Variants in GRK6 observed in about 807,000 individuals in gnomAD.
GRK6 encodes the protein G protein-coupled receptor kinase 6.
GRK6 carries 37 observed loss-of-function variants against 80.8 expected under a neutral mutation model. The ratio of observed to expected loss-of-function variants is 0.46; its 90% CI spans 0.35 to 0.60. The LOEUF (loss-of-function observed/expected upper bound fraction) is 0.60, where lower values mean the gene tolerates loss of function less well. Ranked by LOEUF, GRK6 falls within the 20% of genes least tolerant of loss-of-function variation. The pLI is 0.00. For missense variants in GRK6, 560 were observed against 784.6 expected, an observed-to-expected ratio of 0.71 and a Z score of 3.42; for synonymous variants, 295 against 320.9, an observed-to-expected ratio of 0.92 and a Z score of 0.86.
chr5:177,436,334 T>TGGCCC, intron 12 of GRK6, 53 bp downstream of exon 12: 3 of 1,555,998 alleles, frequency 1.9e-6, no homozygotes, highest in Non-Finnish European at 1.8e-6. Context: ...GATGCACCTT[T>TGGCCC]CCCTCCCTCC....
In GRK6 at chr5:177,426,803, C is replaced by A. The variant is rs1763691591; in HGVS notation, c.-43C>A. The A allele has an allele frequency of 1.3e-5, 15 of 1,114,510 alleles. No homozygotes were observed. Among genetic ancestry groups the A allele is most frequent in the South Asian group, 4.2e-5 (1 of 23,790 alleles). The allele number at this position is 1,114,510 out of a possible 1,614,324, so 69.0% of individuals were successfully genotyped here. On this transcript the variant is annotated 5_prime_UTR_variant, in exon 1 of 16. Coordinates refer to ENST00000355472, the MANE Select transcript of GRK6 (RefSeq NM_001004106.3). ...CGGCCTCGGCACTCGCGCGCGATCC[C>A]GGCCGGCGGCGCGGCCCGGCGGGCC...
rs769380229 is a variant in GRK6 at position 177,431,018 on chromosome 5, G to T, written c.148+51G>T. On this transcript the variant is annotated intron_variant, in intron 2 of 15. Coordinates refer to ENST00000355472, the MANE Select transcript of GRK6 (RefSeq NM_001004106.3). ...TGCTGAGGCGAGGGGCCCTGCTGGG[G>T]CCGGGGGAGCCTCCCCTGAGACCTT... 2.7e-6 allele frequency: 4 copies of T among 1,493,188 alleles called. No individual in the cohort carries two copies. In the African/African-American group the frequency reaches 5.5e-5, roughly 21 times the overall value. The allele number at this position is 1,493,188 out of a possible 1,614,324, so 92.5% of individuals were successfully genotyped here.
Position 177,441,910 on chromosome 5 carries a change from G to A in GRK6, c.*120G>A, listed in dbSNP as rs1253079480. On this transcript the variant is annotated 3_prime_UTR_variant, in exon 16 of 16. Coordinates refer to ENST00000355472, the MANE Select transcript of GRK6 (RefSeq NM_001004106.3). Reference sequence around the variant, plus strand: ...AAGTCGTGGCCTGGGGAACACAGACGGAGCTGTCCCCAGTGTCCTCCGTCC... The same window carrying A: ...AAGTCGTGGCCTGGGGAACACAGACAGAGCTGTCCCCAGTGTCCTCCGTCC... 14 of 931,964 alleles carry A rather than the reference G, an allele frequency of 1.5e-5. No individual in the cohort carries two copies. The highest frequency in any genetic ancestry group is 1.0e-4 in the Admixed American group (5 of 49,120). The allele number at this position is 931,964 out of a possible 1,614,324, so 57.7% of individuals were successfully genotyped here.
At position 177,433,524 on chromosome 5, in the gene GRK6, G is replaced by T; in HGVS notation, c.598-12G>T. The T allele has an allele frequency of 2.5e-6, 4 of 1,613,942 alleles. No individual in the cohort carries two copies. The highest frequency in any genetic ancestry group is 2.5e-6 in the Non-Finnish European group (3 of 1,179,926). On this transcript the variant is annotated splice_polypyrimidine_tract_variant and intron_variant, in intron 7 of 15. Transcript: ENST00000355472. ...AGCTGGCCCCCATTCGCCCCTGTCT[G>T]TCTGGCCACAGGTGTGCGCCTGCCA...
Position 177,434,082 on chromosome 5 carries a change from C to T in GRK6, c.907C>T (p.His303Tyr). 6.3e-7 allele frequency: 1 copy of T among 1,594,934 alleles called. No homozygotes were observed. Among genetic ancestry groups the T allele is most frequent in the Non-Finnish European group, 8.5e-7 (1 of 1,171,446 alleles). The change falls in exon 9 of 16, where the codon CAC (histidine) becomes TAC (tyrosine). Residue 303 changes from histidine to tyrosine, a missense_variant. Physicochemically the swap from His to Tyr is moderately conservative, Grantham distance 83 (BLOSUM62 2). This residue lies in a region of GRK6 where 294 missense variants were observed against 397.4 expected (regional missense o/e 0.74). Transcript: ENST00000355472. ...AEICCGLEDL[H>Y]RERIVYRDLK... The stretch of plus-strand genomic sequence containing the variant: ...GATCTGCTGTGGCCTGGAGGACCTG[C>T]ACCGGGAGCGCATCGTGTACAGGTG...
chr5:177,430,328 C>T (rs1367525748), intron 1 of GRK6, among the ~76,000 whole-genome samples: 2 of 152,202 alleles, frequency 1.3e-5, no homozygotes, highest in Non-Finnish European at 2.9e-5. Context: ...GGCAGGGGAC[C>T]GGGGAAGCCC....
chr5:177,437,115 C>T (rs868137542), intron 13 of GRK6, among the ~76,000 whole-genome samples: 10 of 151,918 alleles, frequency 6.6e-5, no homozygotes, highest in African/African-American at 2.2e-4. Context: ...CCACCATGCC[C>T]GGCTAATTTT....
chr5:177,427,022 C>T, intron 1 of GRK6, 125 bp downstream of exon 1: 1 of 443,978 alleles, frequency 2.3e-6, no homozygotes, highest in Non-Finnish European at 3.4e-6. Context: ...TTACACCCCG[C>T]CCAGACACGA....
Position 177,441,884 on chromosome 5 carries a change from C to A in GRK6, c.*94C>A. 8.7e-7 allele frequency: 1 copy of A among 1,146,968 alleles called. No homozygotes were observed. Among genetic ancestry groups the A allele is most frequent in the Non-Finnish European group, 1.3e-6 (1 of 770,602 alleles). 71.0% of individuals were successfully genotyped at this position (1,146,968 alleles called of 1,614,324 possible). ...ACAGTGATCTTCCCCATTGTCCACTCAAGTCGTGGCCTGGGGAACACAGAC... is the reference window on the plus strand; with the variant it reads ...ACAGTGATCTTCCCCATTGTCCACTAAAGTCGTGGCCTGGGGAACACAGAC... On this transcript the variant is annotated 3_prime_UTR_variant, in exon 16 of 16. Transcript: ENST00000355472.
intron 1 of GRK6, among the ~76,000 whole-genome samples, chr5:177,427,132 G>C (rs1763705165): frequency 6.6e-6 from 1 of 152,168 alleles, no homozygotes. Flanking sequence ...GCGGGTGGGG[G>C]TGAAGGAGTG....
At chr5:177,434,727 C>G (rs1375334338) in intron 9 of GRK6, among the ~76,000 whole-genome samples, 175 bp from the exon 10 acceptor site, 1 of 152,230 alleles carries the variant, frequency 6.6e-6, no homozygotes, top group Non-Finnish European at 1.5e-5. Flanking sequence ...TCCTCTGCTC[C>G]CTTGAGTCCG....
chr5:177,436,255 C>T lies in GRK6; in HGVS notation c.1240C>T (p.Pro414Ser), dbSNP rs1764148604. ...CGAGGAGTATTCCGAGCGCTTTTCC[C>T]CGCAGGCCCGCTCACTTTGCTCACA... ...VPEEYSERFS[P>S]QARSLCSQLL... is the part of the protein sequence containing the mutation. The change falls in exon 12 of 16, where the codon CCG (proline) becomes TCG (serine). Residue 414 changes from proline (P) to serine (S), a missense_variant. Coordinates refer to ENST00000355472, the MANE Select transcript of GRK6 (RefSeq NM_001004106.3). The T allele has an allele frequency of 1.2e-6, 2 of 1,614,152 alleles. No individual in the cohort carries two copies. Among genetic ancestry groups the T allele is most frequent in the Non-Finnish European group, 1.7e-6 (2 of 1,180,016 alleles).
At position 177,429,263 on chromosome 5, in the gene GRK6, G is replaced by A. The variant is rs1763789222; in HGVS notation, c.53-1609G>A. On this transcript the variant is annotated intron_variant, in intron 1 of 15. Coordinates refer to ENST00000355472, the MANE Select transcript of GRK6 (RefSeq NM_001004106.3). This position sits in a 1 kb window ranked among gnomAD's most constrained non-coding sequence, Gnocchi z 4.3. The stretch of plus-strand genomic sequence containing the variant: ...TCTTCCCAGGCACTCAGAGGCATGG[G>A]GAGGGGGCCCAGGGACACTGAAAGG... Among the ~76,000 whole-genome samples, 1 of 152,196 alleles carries A rather than the reference G, an allele frequency of 6.6e-6. No homozygotes were observed. Among genetic ancestry groups the A allele is most frequent in the African/African-American group, 2.4e-5 (1 of 41,446 alleles).
At chr5:177,426,615 A>T (rs571772652), upstream of GRK6, 4 of 149,742 alleles carry the variant, frequency 2.7e-5, no homozygotes, top group African/African-American at 9.7e-5. Context: ...GATTGGTCAA[A>T]TGAGGTAAAC....
intron 13 of GRK6, among the ~76,000 whole-genome samples, chr5:177,438,248 A>G (rs1764261358): frequency 6.6e-6 from 1 of 152,094 alleles, no homozygotes. Flanking sequence ...CATGCCTGTA[A>G]TCCCAGCTAC....
At chr5:177,436,026 C>T (rs758026610) in intron 11 of GRK6, 47 bp from the exon 12 acceptor site, 3 of 1,529,964 alleles carry the variant, frequency 2.0e-6, no homozygotes, top group Non-Finnish European at 2.7e-6. Flanking sequence ...CCTGAGGGTC[C>T]ACTGCCCGCC....
At chr5:177,437,738 G>A (rs530874940) in intron 13 of GRK6, among the ~76,000 whole-genome samples, 1 of 152,308 alleles carries the variant, frequency 6.6e-6, no homozygotes, top group East Asian at 1.9e-4. Context: ...CCTGAATTAG[G>A]CTTCTCTGTG....
Position 177,434,952 on chromosome 5 carries a change from G to A in GRK6, c.967+13G>A, listed in dbSNP as rs778316964. Reference sequence around the variant, plus strand: ...CTGGATGACCACGGTGTGTAAGGGTGCCTGGGGTGGGTCAGGGTGGGGTGA... The same window carrying A: ...CTGGATGACCACGGTGTGTAAGGGTACCTGGGGTGGGTCAGGGTGGGGTGA... On this transcript the variant is annotated intron_variant, in intron 10 of 15. Transcript: ENST00000355472. 6.2e-7 allele frequency: 1 copy of A among 1,613,100 alleles called. No individual in the cohort carries two copies. The highest frequency in any genetic ancestry group is 1.7e-5 in the Admixed American group (1 of 60,016).
intron 13 of GRK6, 130 bp from the exon 14 acceptor site, chr5:177,440,570 G>A (rs1353515504): frequency 8.8e-7 from 1 of 1,130,634 alleles, no homozygotes; most frequent in Non-Finnish European, 1.3e-6. Flanking sequence ...GGGGCACCTG[G>A]TTTCTCCAAA....
Sources: allele counts gnomAD v4.1 joint callset (sites outside exome capture counted in the v4.1 genomes callset), GRCh38; gene constraint gnomAD v4.1.1; regional missense constraint gnomAD v4.1.1; non-coding constraint Gnocchi (gnomAD v3.1); transcripts MANE v1.5; gene names NCBI Gene and HGNC (gene_info 2026-07-23, HGNC 2026-07-21).